Variants in PLIN2 observed in about 807,000 individuals in gnomAD.
PLIN2 encodes perilipin-2.
A neutral mutation model predicts 30.6 loss-of-function variants in PLIN2; 33 were observed. The observed-to-expected ratio is 1.08, with a 90% CI of 0.82 to 1.44. PLIN2 has a LOEUF of 1.44. Among genes scored for constraint, PLIN2 ranks in the 40% most tolerant of loss-of-function variants. The pLI is 0.00. For missense variants in PLIN2, 610 were observed against 531.8 expected (o/e 1.15, Z -1.45); for synonymous variants, 205 against 201.1 (o/e 1.02, Z -0.16).
At chr9:19,117,326 A>G (rs1818244180) in intron 7 of PLIN2, among the ~76,000 whole-genome samples, 1 of 151,782 alleles carries the variant, frequency 6.6e-6, no homozygotes, top group Non-Finnish European at 1.5e-5. Context: ...ACACCCTGCT[A>G]ATTTTTGTAT....
chr9:19,121,489 C>CAAAAA (rs375474450), intron 4 of PLIN2, among the ~76,000 whole-genome samples: 1 of 44,916 alleles, frequency 2.2e-5, no homozygotes, highest in Non-Finnish European at 4.7e-5. Context: ...GACCCTGTCT[C>CAAAAA]AAAAAAAAAA....
downstream of PLIN2, among the ~76,000 whole-genome samples, chr9:19,112,614 G>C (rs1818171871): frequency 6.6e-6 from 1 of 151,600 alleles, no homozygotes; most frequent in Non-Finnish European, 1.5e-5. Flanking sequence ...ACACTGAGGA[G>C]GGAGAATCGA....
intron 1 of PLIN2, among the ~76,000 whole-genome samples, chr9:19,126,753 C>T (rs1458604123): frequency 6.6e-6 from 1 of 152,152 alleles, no homozygotes; most frequent in Non-Finnish European, 1.5e-5. Flanking sequence ...AACAAAAATG[C>T]TAGCCAAGCC....
At position 19,121,135 on chromosome 9, in the gene PLIN2, C is replaced by T. The variant is rs201779691; in HGVS notation, c.340G>A (p.Gly114Arg). The change falls in exon 5 of 8, where the codon GGG (glycine) becomes AGG (arginine). Residue 114 changes from glycine (G) to arginine (R), a missense_variant. Coordinates refer to ENST00000276914, the MANE Select transcript of PLIN2 (RefSeq NM_001122.4). The part of the protein sequence containing the change: ...IVANAKGAVT[G>R]AKDAVTTTVT... ...GTAGTCGTCACAGCATCTTTTGCCC[C>T]AGTCACAGCGCCTTTGGCATTGGCA... 1.2e-6 allele frequency: 2 copies of T among 1,614,044 alleles called. No individual in the cohort carries two copies. Among genetic ancestry groups the T allele is most frequent in the East Asian group, 2.2e-5 (1 of 44,904 alleles).
chr9:19,118,198 C>T, intron 7 of PLIN2, 123 bp downstream of exon 7: 1 of 949,612 alleles, frequency 1.1e-6, no homozygotes, highest in Non-Finnish European at 1.6e-6. Context: ...CACCTATGTA[C>T]ATGGTATTGT....
At chr9:19,114,427 CAG>C (rs1223300557), downstream of PLIN2, among the ~76,000 whole-genome samples, 2 of 151,014 alleles carry the variant, frequency 1.3e-5, no homozygotes, top group African/African-American at 2.4e-5. Flanking sequence ...TTTTTTAAGA[CAG>C]AGTCTCACTC....
Position 19,120,877 on chromosome 9 carries a change from T to G in PLIN2, c.595+3A>C, listed in dbSNP as rs775461052. 1 of 1,609,786 alleles carries G rather than the reference T, an allele frequency of 6.2e-7. No individual in the cohort carries two copies. The highest frequency in any genetic ancestry group is 1.3e-5 in the African/African-American group (1 of 74,852). On this transcript the variant is annotated splice_donor_region_variant and intron_variant, in intron 5 of 7. Transcript: ENST00000276914. ...CAGTATTTCAAGATAAAATTCCAGTTACCTAGTTCTTCCTCAGTGAGAGGG... is the reference window on the plus strand; with the variant it reads ...CAGTATTTCAAGATAAAATTCCAGTGACCTAGTTCTTCCTCAGTGAGAGGG...
intron 4 of PLIN2, 113 bp downstream of exon 4, chr9:19,123,452 C>A: frequency 6.4e-7 from 1 of 1,569,686 alleles, no homozygotes; most frequent in Non-Finnish European, 8.7e-7. Flanking sequence ...ACATCCAGAT[C>A]CAGGTTGGGA....
intron 5 of PLIN2, 63 bp from the exon 6 acceptor site, chr9:19,119,894 G>C: frequency 9.4e-7 from 1 of 1,067,950 alleles, no homozygotes; most frequent in Middle Eastern, 2.1e-4. Flanking sequence ...ATAAGGCCTG[G>C]ACTCTAACCT....
chr9:19,126,338 A>G, intron 2 of PLIN2, 29 bp from the exon 3 acceptor site: 1 of 1,613,682 alleles, frequency 6.2e-7, no homozygotes, highest in Non-Finnish European at 8.5e-7. Flanking sequence ...GGGTATGCTT[A>G]TTAATCTCTC....
At chr9:19,118,615 G>A (rs908933158) in intron 6 of PLIN2, among the ~76,000 whole-genome samples, 160 bp from the exon 7 acceptor site, 1 of 152,182 alleles carries the variant, frequency 6.6e-6, no homozygotes, top group African/African-American at 2.4e-5. Context: ...ATCAATATGT[G>A]TAAATTAACC....
intron 4 of PLIN2, among the ~76,000 whole-genome samples, chr9:19,122,355 A>G (rs1237884699): frequency 6.6e-6 from 1 of 152,116 alleles, no homozygotes; most frequent in Non-Finnish European, 1.5e-5. Context: ...GAACTGCCCT[A>G]TAACAGGTAT....
At chr9:19,119,985 G>T (rs1818289537) in intron 5 of PLIN2, among the ~76,000 whole-genome samples, 154 bp from the exon 6 acceptor site, 1 of 151,930 alleles carries the variant, frequency 6.6e-6, no homozygotes, top group African/African-American at 2.4e-5. Context: ...TCTGCTGCTG[G>T]ACTTGACTAC....
chr9:19,109,590 A>C (rs2131171137), intron 2 of PLIN2, among the ~76,000 whole-genome samples: 1 of 151,966 alleles, frequency 6.6e-6, no homozygotes, highest in Admixed American at 6.6e-5. Context: ...CATAAAACGT[A>C]TTACCAAAGG....
exon 3 of PLIN2, chr9:19,108,511 A>C (rs1227438251): frequency 6.6e-6 from 1 of 152,622 alleles, no homozygotes; most frequent in South Asian, 2.1e-4. Flanking sequence ...AATGTAGCCA[A>C]AAAATAGATT....
chr9:19,122,350 G>GC (rs1439612899), intron 4 of PLIN2, among the ~76,000 whole-genome samples: 6 of 151,960 alleles, frequency 3.9e-5, no homozygotes, highest in Non-Finnish European at 8.8e-5. Flanking sequence ...ATAATGAACT[G>GC]CCCTATAACA....
At chr9:19,120,518 T>C (rs536934072) in intron 5 of PLIN2, among the ~76,000 whole-genome samples, 286 of 152,306 alleles carry the variant, frequency 1.9e-3, no homozygotes, top group South Asian at 9.7e-3. Flanking sequence ...TACGATTCAA[T>C]GTGAACTTTA....
downstream of PLIN2, among the ~76,000 whole-genome samples, chr9:19,115,158 C>T (rs1401098572): frequency 1.3e-5 from 2 of 152,180 alleles, no homozygotes; most frequent in Non-Finnish European, 2.9e-5. Context: ...TTTAAAAACC[C>T]ACTCACAGGG....
intron 6 of PLIN2, 99 bp downstream of exon 6, chr9:19,119,551 A>G: frequency 1.4e-6 from 1 of 716,546 alleles, no homozygotes; most frequent in Non-Finnish European, 2.3e-6. Context: ...TTGTTTGTCA[A>G]CTAAGAATGA....
Sources: gnomAD v4.1 joint callset for allele counts (sites outside exome capture counted in the v4.1 genomes callset) on GRCh38, gnomAD v4.1.1 for gene constraint, MANE v1.5 for transcripts, NCBI Gene and HGNC (gene_info 2026-07-23, HGNC 2026-07-21) for gene names.